Variants in FAAH2 observed in about 807,000 individuals in gnomAD.
FAAH2 encodes the protein fatty acid amide hydrolase 2.
Under a neutral mutation model 36.9 loss-of-function variants are expected in FAAH2, and 60 were observed. The ratio of observed to expected loss-of-function variants is 1.63; its 90% confidence interval spans 1.32 to 2.02. The LOEUF is 2.02. FAAH2 is among the 30% of genes most tolerant of loss of function. FAAH2 has a pLI of 0.00. For missense variants in FAAH2, 689 were observed against 397.5 expected (o/e 1.73, Z -6.23); for synonymous variants, 214 against 143.8 (o/e 1.49, Z -3.49).
At chrX:57,372,537 A>G (rs2147183976) in intron 5 of FAAH2, among the ~76,000 whole-genome samples, 1 of 110,605 alleles carries the variant, frequency 9.0e-6, no homozygotes, top group Non-Finnish European at 1.9e-5. Context: ...TATCCAATTG[A>G]ATATCTTTAT....
the FAAH2 span, among the ~76,000 whole-genome samples, chrX:57,216,721 C>A: frequency 3.1e-5 from 3 of 96,286 alleles, no homozygotes; most frequent in East Asian, 1.0e-3. Context: ...GTTAATTGTG[C>A]CGCTATAAAC....
intron 10 of FAAH2, among the ~76,000 whole-genome samples, chrX:57,477,758 C>T (rs1244097783): frequency 4.6e-5 from 5 of 109,695 alleles, no homozygotes; most frequent in Non-Finnish European, 9.5e-5. Context: ...TCTGTCCTTC[C>T]AATAGTTTGT....
chrX:57,390,978 C>T (rs1274775359), intron 7 of FAAH2, among the ~76,000 whole-genome samples: 1 of 111,219 alleles, frequency 9.0e-6, no homozygotes, highest in Non-Finnish European at 1.9e-5. Context: ...TGCATTCTCG[C>T]CAACAACTGT....
chrX:57,348,428 C>G (rs1164416030), intron 5 of FAAH2, among the ~76,000 whole-genome samples: 1 of 111,173 alleles, frequency 9.0e-6, no homozygotes, highest in African/African-American at 3.3e-5. Context: ...AGCCCACTTT[C>G]CTACTTAGTT....
At chrX:57,331,560 T>G (rs372497254) in intron 3 of FAAH2, 38 bp from the exon 4 acceptor site, 30 of 1,138,568 alleles carry the variant, frequency 2.6e-5, no homozygotes, top group Non-Finnish European at 3.3e-5. Context: ...TATTTTTATT[T>G]AATAATTTTT....
At chrX:57,175,582 G>A in the FAAH2 span, among the ~76,000 whole-genome samples, 1 of 111,571 alleles carries the variant, frequency 9.0e-6, no homozygotes, top group Non-Finnish European at 1.9e-5. Flanking sequence ...TTAATATTGA[G>A]ATGTGAGGTA....
chrX:57,424,688 AC>A (rs2056117969), intron 7 of FAAH2, among the ~76,000 whole-genome samples: 2 of 112,127 alleles, frequency 1.8e-5, no homozygotes, highest in Non-Finnish European at 3.8e-5. Flanking sequence ...AAACAACCCT[AC>A]TCAACAAACA....
intron 8 of FAAH2, among the ~76,000 whole-genome samples, chrX:57,434,333 C>A (rs1033338719): frequency 1.8e-5 from 2 of 109,208 alleles, no homozygotes; most frequent in Non-Finnish European, 1.9e-5. Context: ...CATGCTGACC[C>A]CTAAAGTGCT....
At chrX:57,269,837 C>A in the FAAH2 span, among the ~76,000 whole-genome samples, 2 of 110,862 alleles carry the variant, frequency 1.8e-5, no homozygotes, top group African/African-American at 6.6e-5. Context: ...AAGAGCAAAC[C>A]AACCCCAAAG....
rs772561555 is a variant in FAAH2, at chrX:57,310,701, G to C, written c.384G>C (p.Leu128Phe). The change falls in exon 3 of 11, where the codon TTG becomes TTC. Residue 128 changes from leucine to phenylalanine, a missense_variant. By Grantham distance (22) the Leu-to-Phe change is conservative (BLOSUM62 0). Coordinates refer to ENST00000374900, the MANE Select transcript of FAAH2 (RefSeq NM_174912.4). ...AATGGCCCTTCCTTGGGGTTCCTTT[G>C]ACAGTCAAGGAAGCTTTCCAGCTAC... ...ENKWPFLGVP[L>F]TVKEAFQLQG... The C allele has an allele frequency of 8.3e-7, 1 of 1,207,925 alleles. No homozygotes were observed. Among genetic ancestry groups the C allele is most frequent in the South Asian group, 1.8e-5 (1 of 55,824 alleles).
the FAAH2 span, among the ~76,000 whole-genome samples, chrX:57,270,351 T>C: frequency 9.0e-6 from 1 of 111,722 alleles, no homozygotes; most frequent in African/African-American, 3.3e-5. Flanking sequence ...AATGGACGCC[T>C]CCTTAATTCA....
chrX:57,427,042 G>A (rs899988100), intron 7 of FAAH2, among the ~76,000 whole-genome samples: 1 of 110,774 alleles, frequency 9.0e-6, no homozygotes, highest in Non-Finnish European at 1.9e-5. Context: ...AAACACAATT[G>A]GAAATGAAAA....
chrX:57,124,955 C>T, the FAAH2 span, among the ~76,000 whole-genome samples: 1 of 111,984 alleles, frequency 8.9e-6, no homozygotes, highest in African/African-American at 3.2e-5. Flanking sequence ...TGCAAACAGG[C>T]ATAATTTGAC....
At chrX:57,412,381 C>T (rs926931052) in intron 7 of FAAH2, among the ~76,000 whole-genome samples, 3 of 110,822 alleles carry the variant, frequency 2.7e-5, no homozygotes, top group African/African-American at 9.9e-5. Context: ...TAGCACCCCA[C>T]CCTATGACAG....
intron 7 of FAAH2, among the ~76,000 whole-genome samples, chrX:57,423,027 T>G (rs1167446323): frequency 1.8e-5 from 2 of 111,703 alleles, no homozygotes; most frequent in Non-Finnish European, 3.8e-5. Flanking sequence ...ATATTTTCAT[T>G]GGGGAACTGG....
At chrX:57,371,031 G>A (rs1247550145) in intron 5 of FAAH2, among the ~76,000 whole-genome samples, 1 of 112,278 alleles carries the variant, frequency 8.9e-6, no homozygotes, top group African/African-American at 3.2e-5. Context: ...GCATGTGGAA[G>A]TTACTCCAGG....
chrX:57,378,586 T>C, intron 5 of FAAH2, 65 bp from the exon 6 acceptor site: 1 of 1,176,896 alleles, frequency 8.5e-7, no homozygotes, highest in East Asian at 3.0e-5. Context: ...AACACCATAA[T>C]GAAATACAAC....
chrX:57,364,644 T>G (rs2054368808), intron 5 of FAAH2, among the ~76,000 whole-genome samples: 2 of 109,876 alleles, frequency 1.8e-5, no homozygotes, highest in Admixed American at 9.8e-5. Flanking sequence ...GGTGTAATGT[T>G]AGGGTATTAA....
At chrX:57,165,407 G>A in the FAAH2 span, among the ~76,000 whole-genome samples, 1 of 111,817 alleles carries the variant, frequency 8.9e-6, no homozygotes, top group Non-Finnish European at 1.9e-5. Context: ...GGATGAAATT[G>A]GAAATCATCA....
Sources: gnomAD v4.1 joint callset for allele counts (sites outside exome capture counted in the v4.1 genomes callset) on GRCh38, gnomAD v4.1.1 for gene constraint, MANE v1.5 for transcripts, NCBI Gene and HGNC (gene_info 2026-07-23, HGNC 2026-07-21) for gene names.